The following NBN variants were observed in gnomAD, a reference collection of about 807,000 sequenced individuals.
The protein encoded by NBN is nibrin.
Under a neutral mutation model 90.8 loss-of-function variants are expected in NBN, and 88 were observed. The ratio of observed to expected loss-of-function variants is 0.97; its 90% confidence interval spans 0.82 to 1.16. The LOEUF (loss-of-function observed/expected upper bound fraction) is 1.16, where lower values mean the gene tolerates loss of function less well. NBN is among the 50% of genes most tolerant of loss of function. NBN has a pLI of 0.00. For missense variants in NBN, 894 were observed against 869.6 expected, an observed-to-expected ratio of 1.03 and a Z score of -0.35; for synonymous variants, 328 against 295.1, an observed-to-expected ratio of 1.11 and a Z score of -1.14.
Position 89,980,960 on chromosome 8 carries a change from T to C in NBN, c.321-67A>G, listed in dbSNP as rs569179432. ...TTGCAGAGATGGCAATTTTTAGTAC[T>C]TTAAAACTTTAAGCTCACATCATAT... is the stretch of plus-strand genomic sequence containing the variant. On this transcript the variant is annotated intron_variant, in intron 3 of 15. Transcript: ENST00000265433. 236 of 1,371,408 alleles carry C rather than the reference T, an allele frequency of 1.7e-4. No homozygotes were observed. In the African/African-American group the frequency reaches 2.7e-3, roughly 16 times the overall value. 85.0% of individuals were successfully genotyped at this position (1,371,408 alleles called of 1,614,324 possible).
In NBN at chr8:89,950,704, C is replaced by T. The variant is rs185470618; in HGVS notation, c.1845+2540G>A. The stretch of plus-strand genomic sequence containing the variant: ...GGGCAAAATAAAATAATTATATTTC[C>T]TCATATCGTTATACCTCATATAAAC... On this transcript the variant is annotated intron_variant, in intron 11 of 15. Coordinates refer to ENST00000265433, the MANE Select transcript of NBN (RefSeq NM_002485.5). Among the ~76,000 whole-genome samples the T allele has an allele frequency of 7.2e-5, 11 of 151,934 alleles. No homozygotes were observed. In the East Asian group the frequency reaches 1.9e-3, roughly 27 times the overall value.
intron 4 of NBN, among the ~76,000 whole-genome samples, chr8:89,979,557 G>T (rs1188203898): frequency 6.6e-6 from 1 of 151,848 alleles, no homozygotes; most frequent in African/African-American, 2.4e-5. Flanking sequence ...TTTTTAAGTA[G>T]CTAATAGTAA....
intron 15 of NBN, chr8:89,936,021 T>G (rs1158435886): frequency 5.5e-6 from 2 of 360,666 alleles, no homozygotes; most frequent in African/African-American, 4.4e-5. Flanking sequence ...CCTACAGCAG[T>G]TAAACAAATA....
At chr8:89,956,483 G>A (rs553368703) in intron 9 of NBN, among the ~76,000 whole-genome samples, 11 of 151,754 alleles carry the variant, frequency 7.2e-5, no homozygotes, top group African/African-American at 2.4e-4. Flanking sequence ...TTCAGATAAA[G>A]AACCATAGAA....
Position 89,978,311 on chromosome 8 carries a change from G to A in NBN, c.493C>T (p.Leu165Phe), listed in dbSNP as rs776810966. The A allele has an allele frequency of 6.3e-7, 1 of 1,586,702 alleles. No individual in the cohort carries two copies. The highest frequency in any genetic ancestry group is 1.1e-5 in the South Asian group (1 of 90,466). Residue 165 changes from leucine (L) to phenylalanine (F), a missense_variant, in exon 5 of 16, where the codon CTC becomes TTC. By Grantham distance (22) the Leu-to-Phe change is conservative (BLOSUM62 0). Transcript: ENST00000265433. ...VKVTIKTICA[L>F]ICGRPIVKPE... Reference sequence around the variant, plus strand: ...TTTACAATTGGACGTCCACAAATGAGTGCACATATTGTCTACAATGAAGAA... The same window carrying A: ...TTTACAATTGGACGTCCACAAATGAATGCACATATTGTCTACAATGAAGAA...
At chr8:89,948,937 A>T (rs1563518112) in intron 11 of NBN, among the ~76,000 whole-genome samples, 1 of 152,192 alleles carries the variant, frequency 6.6e-6, no homozygotes, top group Non-Finnish European at 1.5e-5. Flanking sequence ...TTTCCAACTC[A>T]GAGAATCATA....
intron 4 of NBN, among the ~76,000 whole-genome samples, chr8:89,980,188 A>G (rs1811990274): frequency 6.6e-6 from 1 of 152,232 alleles, no homozygotes; most frequent in South Asian, 2.1e-4. Context: ...ATAACTCTTT[A>G]GCTATAAAAC....
intron 5 of NBN, among the ~76,000 whole-genome samples, chr8:89,974,416 A>T (rs1811656864): frequency 6.6e-6 from 1 of 152,152 alleles, no homozygotes; most frequent in South Asian, 2.1e-4. Flanking sequence ...TAAGCTTCCT[A>T]AACTGTCAAA....
chr8:89,973,305 C>T (rs1184560100), intron 5 of NBN, among the ~76,000 whole-genome samples: 3 of 152,174 alleles, frequency 2.0e-5, no homozygotes, highest in Non-Finnish European at 4.4e-5. Flanking sequence ...GTATAAACAT[C>T]CTTCAATTCC....
intron 11 of NBN, among the ~76,000 whole-genome samples, chr8:89,948,688 T>C (rs1020842449): frequency 6.6e-6 from 1 of 152,198 alleles, no homozygotes; most frequent in Non-Finnish European, 1.5e-5. Flanking sequence ...GAAAAACAAA[T>C]GTACTTTGTG....
rs757452107 is a variant in NBN, at chr8:89,955,379, G to C, written c.1301C>G (p.Thr434Ser). The C allele has an allele frequency of 1.2e-6, 2 of 1,613,724 alleles. No individual in the cohort carries two copies. The highest frequency in any genetic ancestry group is 1.7e-6 in the Non-Finnish European group (2 of 1,179,724). Residue 434 changes from threonine to serine, a missense_variant, in exon 10 of 16, where the codon ACT becomes AGT. Transcript: ENST00000265433. Reference protein sequence around the residue: ...MRIPNYQLSPTKLPSINKSKD... With the variant: ...MRIPNYQLSPSKLPSINKSKD... Reference sequence around the variant, plus strand: ...ACTTTTATTTATACTTGGCAATTTAGTTGGTGAAAGCTGATAGTTTGGGAT... The same window carrying C: ...ACTTTTATTTATACTTGGCAATTTACTTGGTGAAAGCTGATAGTTTGGGAT...
chr8:89,969,543 A>C (rs565965481), intron 7 of NBN, among the ~76,000 whole-genome samples: 123 of 152,372 alleles, frequency 8.1e-4, no homozygotes, highest in African/African-American at 2.8e-3. Context: ...CTATTAAAGT[A>C]ACAAAAAAGC....
chr8:89,972,207 C>CT (rs1241580372), intron 5 of NBN, among the ~76,000 whole-genome samples: 2 of 152,220 alleles, frequency 1.3e-5, no homozygotes, highest in East Asian at 3.8e-4. Context: ...TACCTTACAT[C>CT]TTTCCCCTGG....
At chr8:89,966,006 C>T (rs1031729945) in intron 7 of NBN, among the ~76,000 whole-genome samples, 10 of 152,126 alleles carry the variant, frequency 6.6e-5, no homozygotes, top group African/African-American at 2.4e-4. Flanking sequence ...CTAACTTTTG[C>T]AACTATAACT....
intron 5 of NBN, among the ~76,000 whole-genome samples, chr8:89,974,524 G>A (rs1811663429): frequency 6.6e-6 from 1 of 152,084 alleles, no homozygotes; most frequent in South Asian, 2.1e-4. Context: ...CATGGATGCT[G>A]GCAGAAGACA....
chr8:89,944,133 T>C (rs1420415552), intron 13 of NBN, among the ~76,000 whole-genome samples: 1 of 152,136 alleles, frequency 6.6e-6, no homozygotes, highest in African/African-American at 2.4e-5. Context: ...TCACCTAGGC[T>C]GGAGAGTGCA....
chr8:89,974,709 A>G (rs1811674465), intron 5 of NBN, among the ~76,000 whole-genome samples: 1 of 152,206 alleles, frequency 6.6e-6, no homozygotes, highest in Non-Finnish European at 1.5e-5. Context: ...CACCGGTATT[A>G]TAACAAGCTT....
At chr8:89,937,316 A>T in intron 14 of NBN, 1 of 522,486 alleles carries the variant, frequency 1.9e-6, no homozygotes, top group South Asian at 2.1e-5. Flanking sequence ...CTCAAAGACA[A>T]CCAATAGTAT....
intron 8 of NBN, among the ~76,000 whole-genome samples, chr8:89,964,148 G>A (rs959085364): frequency 1.3e-5 from 2 of 151,988 alleles, no homozygotes; most frequent in African/African-American, 4.8e-5. Context: ...ATGTGTGTGT[G>A]TTTGGTTACT....
Sources: allele counts gnomAD v4.1 joint callset (sites outside exome capture counted in the v4.1 genomes callset), GRCh38; gene constraint gnomAD v4.1.1; transcripts MANE v1.5; gene names NCBI Gene and HGNC (gene_info 2026-07-23, HGNC 2026-07-21).